Variants in DTNA observed in about 807,000 individuals in gnomAD.
DTNA encodes the protein dystrobrevin alpha.
A neutral mutation model predicts 100.7 loss-of-function variants in DTNA; 43 were observed. The observed-to-expected ratio is 0.43, with a 90% CI of 0.33 to 0.55. The LOEUF (loss-of-function observed/expected upper bound fraction) is 0.55, where lower values mean the gene tolerates loss of function less well. DTNA is among the 20% of genes least tolerant of loss of function. DTNA has a pLI of 0.04. For missense variants in DTNA, 798 were observed against 953.9 expected (o/e 0.84, Z 2.15); for synonymous variants, 349 against 347.9 (o/e 1.00, Z -0.04).
At chr18:34,857,531 T>C (rs1000112178) in intron 15 of DTNA, among the ~76,000 whole-genome samples, 2 of 152,192 alleles carry the variant, frequency 1.3e-5, no homozygotes, top group Non-Finnish European at 2.9e-5. Flanking sequence ...AGCCTAATGC[T>C]CACCAAATGC....
chr18:34,567,430 A>G (rs117237728), intron 1 of DTNA, among the ~76,000 whole-genome samples: 71 of 152,314 alleles, frequency 4.7e-4, no homozygotes, highest in Non-Finnish European at 8.5e-4. Context: ...TTGGGAATTT[A>G]AGAATTTAAA....
At chr18:34,756,391 C>G (rs1449732795) in intron 2 of DTNA, among the ~76,000 whole-genome samples, 1 of 152,112 alleles carries the variant, frequency 6.6e-6, no homozygotes, top group Non-Finnish European at 1.5e-5. Context: ...GTTCATCACC[C>G]TGAACTGTCA....
intron 1 of DTNA, among the ~76,000 whole-genome samples, chr18:34,668,867 A>G (rs907716556): frequency 1.3e-4 from 20 of 152,140 alleles, no homozygotes; most frequent in Non-Finnish European, 2.5e-4. Context: ...ATTTTGGAAT[A>G]GGTGTGGTGT....
chr18:34,762,743 G>A (rs1452159685), intron 2 of DTNA, among the ~76,000 whole-genome samples: 1 of 152,100 alleles, frequency 6.6e-6, no homozygotes, highest in Non-Finnish European at 1.5e-5. Context: ...AAATTGTATT[G>A]TTCACCACAT....
chr18:34,823,146 A>G (rs1227131569), intron 9 of DTNA, among the ~76,000 whole-genome samples: 1 of 152,126 alleles, frequency 6.6e-6, no homozygotes, highest in Admixed American at 6.5e-5. Flanking sequence ...TGAGATTTCT[A>G]ATTTTAAAAT....
chr18:34,875,235 C>T lies in DTNA; in HGVS notation c.1744-4C>T. 6.2e-7 allele frequency: 1 copy of T among 1,613,762 alleles called. No homozygotes were observed. The highest frequency in any genetic ancestry group is 8.5e-7 in the Non-Finnish European group (1 of 1,179,798). Reference sequence around the variant, plus strand: ...CAAATTAATGACCTGCATTGTCTCTCCAGACTCAGGGGGCAGGCTCTCCCC... The same window carrying T: ...CAAATTAATGACCTGCATTGTCTCTTCAGACTCAGGGGGCAGGCTCTCCCC... On this transcript the variant is annotated splice_polypyrimidine_tract_variant and splice_region_variant and intron_variant, in intron 17 of 22. Coordinates refer to ENST00000444659, the MANE Select transcript of DTNA (RefSeq NM_001386795.1).
intron 1 of DTNA, among the ~76,000 whole-genome samples, chr18:34,517,601 C>G (rs1226500741): frequency 1.3e-5 from 2 of 151,850 alleles, no homozygotes; most frequent in Non-Finnish European, 2.9e-5. Flanking sequence ...CATTTCTCTT[C>G]CCCTCTCCAT....
At chr18:34,612,423 C>T in intron 1 of DTNA, among the ~76,000 whole-genome samples, 1 of 152,154 alleles carries the variant, frequency 6.6e-6, no homozygotes, top group East Asian at 1.9e-4. Flanking sequence ...TACAAATGCT[C>T]AACCTGAGAT....
At position 34,818,185 on chromosome 18, in the gene DTNA, C is replaced by A; in HGVS notation, c.731C>A (p.Ser244Tyr). 2 of 1,614,014 alleles carry A rather than the reference C, an allele frequency of 1.2e-6. No individual in the cohort carries two copies. The highest frequency in any genetic ancestry group is 1.7e-6 in the Non-Finnish European group (2 of 1,179,942). Residue 244 changes from serine to tyrosine, a missense_variant, in exon 8 of 23, where the codon TCC becomes TAC. By Grantham distance (144) the Ser-to-Tyr change is moderately radical. Transcript: ENST00000444659. ...VENVFHPVEC[S>Y]YCHSESMMGF... ...TTAGTCTTCCATCCGGTTGAGTGTT[C>A]CTACTGCCACAGTGAGAGTATGATG...
chr18:34,829,190 T>C, intron 10 of DTNA: 1 of 1,588,390 alleles, frequency 6.3e-7, no homozygotes, highest in Non-Finnish European at 8.6e-7. Context: ...TTTTTTCCCA[T>C]TTTCAGTCAT....
chr18:34,821,698 G>A (rs772123487), intron 9 of DTNA, among the ~76,000 whole-genome samples: 1 of 152,178 alleles, frequency 6.6e-6, no homozygotes, highest in Non-Finnish European at 1.5e-5. Flanking sequence ...ATGTCATGTA[G>A]TCACAGATGC....
intron 1 of DTNA, among the ~76,000 whole-genome samples, chr18:34,512,738 C>T (rs931620820): frequency 1.3e-5 from 2 of 152,132 alleles, no homozygotes; most frequent in East Asian, 3.9e-4. Context: ...GTCATAAAAA[C>T]ATGGTATATC....
At chr18:34,730,437 C>T (rs2087827394) in intron 1 of DTNA, among the ~76,000 whole-genome samples, 2 of 152,208 alleles carry the variant, frequency 1.3e-5, no homozygotes, top group East Asian at 3.9e-4. Context: ...TAGTCTGGAG[C>T]TAATTCCTTC....
chr18:34,850,926 CT>C (rs139965746), intron 14 of DTNA, among the ~76,000 whole-genome samples: 2,539 of 152,054 alleles, frequency 0.017, 80 homozygotes, highest in African/African-American at 0.056. Flanking sequence ...GATTGCATTT[CT>C]GAAAATGAGG....
chr18:34,629,659 C>T (rs1169220754), intron 1 of DTNA, among the ~76,000 whole-genome samples: 1 of 152,158 alleles, frequency 6.6e-6, no homozygotes, highest in Non-Finnish European at 1.5e-5. Flanking sequence ...TGTTTAAAAC[C>T]TGCAACCTCT....
At chr18:34,838,673 C>A in intron 12 of DTNA, 72 bp from the exon 13 acceptor site, 1 of 1,349,702 alleles carries the variant, frequency 7.4e-7, no homozygotes, top group Non-Finnish European at 1.1e-6. Flanking sequence ...CAAAAACTCA[C>A]TCCTACCTCC....
chr18:34,879,735 T>A lies in DTNA; in HGVS notation c.2162+16T>A. The A allele has an allele frequency of 1.2e-6, 2 of 1,613,796 alleles. No individual in the cohort carries two copies. Among genetic ancestry groups the A allele is most frequent in the South Asian group, 2.2e-5 (2 of 91,004 alleles). ...GTGGCGACATGTGAGTATCTTCCGC[T>A]TGGAAGCATTTTCTCAGTAACAAAA... On this transcript the variant is annotated intron_variant, in intron 20 of 22. Transcript: ENST00000444659.
At position 34,550,656 on chromosome 18, in the gene DTNA, G is replaced by T. The variant is rs113999143; in HGVS notation, c.-2+57142G>T. ...AGAACAATAAAATTAATCTAGTTTT[G>T]TTCTAGTGTTCTTACCTAAAATGAA... On this transcript the variant is annotated intron_variant, in intron 1 of 19. Transcript: ENST00000283365. Among the ~76,000 whole-genome samples the T allele has an allele frequency of 8.9e-3, 1,357 of 152,114 alleles. 28 individuals carry two copies. The highest frequency in any genetic ancestry group is 0.031 in the African/African-American group (1,291 of 41,522).
intron 1 of DTNA, among the ~76,000 whole-genome samples, chr18:34,556,438 G>A (rs1352512401): frequency 4.0e-5 from 6 of 150,058 alleles, no homozygotes; most frequent in South Asian, 4.3e-4. Flanking sequence ...GATTTTGCTC[G>A]TTAGTTGATG....
Sources: allele counts gnomAD v4.1 joint callset (sites outside exome capture counted in the v4.1 genomes callset), GRCh38; gene constraint gnomAD v4.1.1; transcripts MANE v1.5; gene names NCBI Gene and HGNC (gene_info 2026-07-23, HGNC 2026-07-21).